Variants in GALNT7 observed in about 807,000 individuals in gnomAD.
GALNT7 encodes polypeptide N-acetylgalactosaminyltransferase 7, also known as N-acetylgalactosaminyltransferase 7.
In GALNT7, 60 loss-of-function variants were observed where a neutral mutation model predicts 82.1. The observed-to-expected ratio is 0.73, with a 90% CI of 0.59 to 0.91. The LOEUF is 0.91. Among genes scored for constraint, GALNT7 ranks in the 40% least tolerant of loss-of-function variants. The pLI, the probability that GALNT7 is intolerant of heterozygous loss-of-function variation, is 0.00. For synonymous variants in GALNT7, 243 were observed against 275.1 expected (o/e 0.88, Z 1.15); for missense variants, 660 against 804.2 (o/e 0.82, Z 2.17).
chr4:173,321,747 A>G lies in GALNT7; in HGVS notation c.*30A>G. 1 of 1,510,942 alleles carries G rather than the reference A, an allele frequency of 6.6e-7. No individual in the cohort carries two copies. The highest frequency in any genetic ancestry group is 9.2e-7 in the Non-Finnish European group (1 of 1,089,424). The allele number at this position is 1,510,942 out of a possible 1,614,324, so 93.6% of individuals were successfully genotyped here. ...AAAAAAATAAACCAATAACCTACCT[A>G]CTGACAAGTAAATTTATACAGGACT... is the stretch of plus-strand genomic sequence containing the variant. On this transcript the variant is annotated 3_prime_UTR_variant, in exon 12 of 12. Transcript: ENST00000265000.
At chr4:173,269,265 A>G (rs1028673231) in intron 2 of GALNT7, among the ~76,000 whole-genome samples, 2 of 152,198 alleles carry the variant, frequency 1.3e-5, no homozygotes, top group Non-Finnish European at 2.9e-5. Context: ...TTGTTTTTCC[A>G]TTTAAGGAAT....
intron 1 of GALNT7, among the ~76,000 whole-genome samples, chr4:173,196,880 C>T (rs760062388): frequency 1.3e-5 from 2 of 152,178 alleles, no homozygotes; most frequent in Non-Finnish European, 2.9e-5. Flanking sequence ...GGCCTAACCT[C>T]AGAGACACTT....
chr4:173,196,564 C>T (rs1187150456), intron 1 of GALNT7, among the ~76,000 whole-genome samples: 1 of 152,086 alleles, frequency 6.6e-6, no homozygotes, highest in African/African-American at 2.4e-5. Context: ...CTTTTAAGTT[C>T]CGGGTTGCAT....
intron 1 of GALNT7, among the ~76,000 whole-genome samples, chr4:173,236,844 G>A (rs953855179): frequency 1.3e-5 from 2 of 152,144 alleles, no homozygotes; most frequent in African/African-American, 2.4e-5. Flanking sequence ...CTGGCATATA[G>A]TAGACCTGTA....
chr4:173,197,812 G>T (rs1441753781), intron 1 of GALNT7, among the ~76,000 whole-genome samples: 2 of 152,168 alleles, frequency 1.3e-5, no homozygotes, highest in Non-Finnish European at 2.9e-5. Flanking sequence ...GGACCAGAAG[G>T]TTGTGAATTT....
chr4:173,311,262 T>A (rs956675887), intron 8 of GALNT7, among the ~76,000 whole-genome samples: 1 of 152,222 alleles, frequency 6.6e-6, no homozygotes, highest in Non-Finnish European at 1.5e-5. Context: ...TAATCTTACA[T>A]GTGTATACAT....
At chr4:173,184,567 C>T (rs143988450) in intron 1 of GALNT7, among the ~76,000 whole-genome samples, 13 of 134,956 alleles carry the variant, frequency 9.6e-5, no homozygotes, top group African/African-American at 2.5e-4. Context: ...AGCCTCGGCT[C>T]GGCATCAGAG....
rs1737491681 is a variant in GALNT7, at chr4:173,313,969, A to C, written c.1401A>C (p.Arg467Ser). 6.6e-7 allele frequency: 1 copy of C among 1,514,646 alleles called. No individual in the cohort carries two copies. The highest frequency in any genetic ancestry group is 9.2e-7 in the Non-Finnish European group (1 of 1,092,494). 93.8% of individuals were successfully genotyped at this position (1,514,646 alleles called of 1,614,324 possible). Reference protein sequence around the residue: ...GSSPTLKNYVRVVEVWWDEYK... With the variant: ...GSSPTLKNYVSVVEVWWDEYK... ...TTTTTTTTTTACAGAATTATGTTAG[A>C]GTTGTGGAGGTTTGGTGGGATGAAT... The change falls in exon 9 of 12, where the codon AGA becomes AGC. Residue 467 changes from arginine to serine, a missense_variant. By Grantham distance (110) the Arg-to-Ser change is moderately radical. This residue lies in a region of GALNT7 where 527 missense variants were observed against 683.5 expected (regional missense o/e 0.77). Coordinates refer to ENST00000265000, the MANE Select transcript of GALNT7 (RefSeq NM_017423.3).
At chr4:173,263,121 C>T (rs1735341742) in intron 2 of GALNT7, among the ~76,000 whole-genome samples, 1 of 152,112 alleles carries the variant, frequency 6.6e-6, no homozygotes, top group Admixed American at 6.5e-5. Flanking sequence ...TTCATATGAT[C>T]AGCAAAATAA....
intron 1 of GALNT7, among the ~76,000 whole-genome samples, chr4:173,241,713 C>T (rs1734439888): frequency 6.6e-6 from 1 of 152,080 alleles, no homozygotes; most frequent in South Asian, 2.1e-4. Context: ...TCCCTGCAGC[C>T]TAGGAAGATA....
chr4:173,273,086 C>T (rs745552513), intron 2 of GALNT7, among the ~76,000 whole-genome samples: 4 of 152,216 alleles, frequency 2.6e-5, no homozygotes, highest in African/African-American at 9.7e-5. Context: ...TACTGTAAGA[C>T]TGTACCTCTT....
At chr4:173,282,419 T>G (rs916984441) in intron 2 of GALNT7, 33 of 152,192 alleles carry the variant, frequency 2.2e-4, no homozygotes, top group African/African-American at 7.2e-4. Context: ...TGTCCCAGAT[T>G]GTTTTGTTTT....
chr4:173,183,262 A>G (rs1175616428), intron 1 of GALNT7, among the ~76,000 whole-genome samples: 1 of 150,984 alleles, frequency 6.6e-6, no homozygotes, highest in Non-Finnish European at 1.5e-5. Flanking sequence ...CCCTCCCACT[A>G]TTCCTCTCAC....
chr4:173,221,256 T>C (rs1039713385), intron 1 of GALNT7, among the ~76,000 whole-genome samples: 3 of 152,208 alleles, frequency 2.0e-5, no homozygotes, highest in African/African-American at 7.2e-5. Flanking sequence ...TGGCCAGTGA[T>C]GGTGAGCATT....
intron 1 of GALNT7, among the ~76,000 whole-genome samples, chr4:173,191,940 C>G (rs1219253016): frequency 6.6e-6 from 1 of 152,094 alleles, no homozygotes; most frequent in Non-Finnish European, 1.5e-5. Flanking sequence ...CTCAGGTAAG[C>G]CACACCCTGG....
chr4:173,272,958 A>G (rs770480044), intron 2 of GALNT7, among the ~76,000 whole-genome samples: 1 of 152,210 alleles, frequency 6.6e-6, no homozygotes, highest in Non-Finnish European at 1.5e-5. Context: ...CATTACTATC[A>G]ATGTTTAAGA....
At chr4:173,277,340 G>A (rs1401351171) in intron 2 of GALNT7, among the ~76,000 whole-genome samples, 5 of 152,198 alleles carry the variant, frequency 3.3e-5, no homozygotes, top group African/African-American at 7.2e-5. Flanking sequence ...AAAGTCACAT[G>A]CTCTGTCTTT....
chr4:173,239,604 C>T lies in GALNT7; in HGVS notation c.127-8376C>T, dbSNP rs186843282. 5.8e-3 allele frequency among the ~76,000 whole-genome samples: 884 copies of T among 152,276 alleles called. 6 individuals are homozygous for T. Among genetic ancestry groups the T allele is most frequent in the Non-Finnish European group, 8.5e-3 (580 of 68,018 alleles). ...AGGACCCAGGACCATGGGAGGAGGG[C>T]AGAGTTTCCCAGGAGCTGGTTCCTG... On this transcript the variant is annotated intron_variant, in intron 1 of 11. Coordinates refer to ENST00000265000, the MANE Select transcript of GALNT7 (RefSeq NM_017423.3).
intron 2 of GALNT7, among the ~76,000 whole-genome samples, chr4:173,271,616 G>A (rs1011070737): frequency 1.3e-5 from 2 of 151,852 alleles, no homozygotes; most frequent in African/African-American, 2.4e-5. Flanking sequence ...ACCATCAGGC[G>A]TGGCTAATTT....
Sources: allele counts gnomAD v4.1 joint callset (sites outside exome capture counted in the v4.1 genomes callset), GRCh38; gene constraint gnomAD v4.1.1; regional missense constraint gnomAD v4.1.1; transcripts MANE v1.5; gene names NCBI Gene and HGNC (gene_info 2026-07-23, HGNC 2026-07-21).